Variants in DLG5 observed in about 807,000 individuals in gnomAD.
The protein encoded by DLG5 is discs large MAGUK scaffold protein 5, also known as disks large homolog 5.
Under a neutral mutation model 189.8 loss-of-function variants are expected in DLG5, and 48 were observed. That is an observed-to-expected ratio of 0.25 (90% confidence interval 0.20 to 0.32). The LOEUF (loss-of-function observed/expected upper bound fraction) is 0.32. Ranked by LOEUF, DLG5 falls within the 10% of genes least tolerant of loss-of-function variation. DLG5 has a pLI of 1.00. For synonymous variants in DLG5, 1,016 were observed against 1,054.1 expected (o/e 0.96, Z 0.70); for missense variants, 2,160 against 2,544.7 (o/e 0.85, Z 3.25).
intron 3 of DLG5, among the ~76,000 whole-genome samples, chr10:77,855,062 G>C (rs1461304517): frequency 1.3e-5 from 2 of 152,140 alleles, no homozygotes; most frequent in Non-Finnish European, 2.9e-5. Flanking sequence ...CCTCTCTTTA[G>C]AACAATGACT....
At chr10:77,854,481 A>C in intron 3 of DLG5, 111 bp from the exon 4 acceptor site, 1 of 1,382,498 alleles carries the variant, frequency 7.2e-7, no homozygotes, top group African/African-American at 1.4e-5. Context: ...CTGGTCTTCT[A>C]TGCACCACAC....
intron 24 of DLG5, among the ~76,000 whole-genome samples, chr10:77,808,335 C>T (rs1244186933): frequency 1.3e-5 from 2 of 152,192 alleles, no homozygotes; most frequent in African/African-American, 2.4e-5. Flanking sequence ...GGTGCAATCA[C>T]AGCTCACAGT....
chr10:77,898,359 A>G (rs781368630), intron 1 of DLG5, among the ~76,000 whole-genome samples: 31 of 152,270 alleles, frequency 2.0e-4, no homozygotes, highest in Non-Finnish European at 4.3e-4. Flanking sequence ...TAGGATTTAA[A>G]AACCTCTCCA....
chr10:77,792,464 C>T lies in DLG5; in HGVS notation c.5736G>A (p.Leu1912=). 5 of 1,614,240 alleles carry T rather than the reference C, an allele frequency of 3.1e-6. No homozygotes were observed. Among genetic ancestry groups the T allele is most frequent in the Non-Finnish European group, 4.2e-6 (5 of 1,180,038 alleles). The change falls in exon 32 of 32, where the codon CTG becomes CTA. Residue 1912 remains leucine (L), a synonymous_variant. Transcript: ENST00000372391. ...AMVNQEQNKV[L]WIPACPL ...CCTAGAGCGGGCAGGCTGGAATCCA[C>T]AGGACTTTATTTTGTTCTTGATTGA...
At chr10:77,841,771 A>G (rs2154576297) in intron 7 of DLG5, 110 bp downstream of exon 7, 1 of 1,309,002 alleles carries the variant, frequency 7.6e-7, no homozygotes, top group South Asian at 1.4e-5. Context: ...GTGAGAAGCC[A>G]TTTACTCCAA....
chr10:77,937,383 A>G, the DLG5 span, among the ~76,000 whole-genome samples: 1 of 151,982 alleles, frequency 6.6e-6, no homozygotes, highest in East Asian at 1.9e-4. Flanking sequence ...GCCATTATCT[A>G]TTGCCTTGCA....
At chr10:77,803,342 A>G (rs1841310923) in intron 27 of DLG5, among the ~76,000 whole-genome samples, 2 of 152,214 alleles carry the variant, frequency 1.3e-5, no homozygotes, top group Admixed American at 1.3e-4. Flanking sequence ...TCTGTAAATG[A>G]ATGTGTGCAT....
intron 14 of DLG5, 132 bp downstream of exon 14, chr10:77,824,252 C>A: frequency 4.7e-6 from 3 of 641,142 alleles, no homozygotes; most frequent in Non-Finnish European, 7.9e-6. Context: ...AGGGTTCCTG[C>A]CCCCTCTGCA....
intron 29 of DLG5, among the ~76,000 whole-genome samples, chr10:77,795,385 C>T (rs957032833): frequency 6.6e-6 from 1 of 152,142 alleles, no homozygotes; most frequent in South Asian, 2.1e-4. Flanking sequence ...AGGTGGAGTG[C>T]AGGCCCGTGC....
At position 77,822,132 on chromosome 10, in the gene DLG5, A is replaced by C. The variant is rs757977321; in HGVS notation, c.2383-31T>G. 3 of 1,583,096 alleles carry C rather than the reference A, an allele frequency of 1.9e-6. No individual in the cohort carries two copies. The East Asian group carries it at 6.7e-5, about 36-fold the overall frequency. On this transcript the variant is annotated intron_variant, in intron 14 of 31. Transcript: ENST00000372391. ...CAGGGATTGCAGAGGAGTGAGAGAG[A>C]GAGTGAGATGGCAGGACTTGGAGCT...
intron 20 of DLG5, among the ~76,000 whole-genome samples, chr10:77,813,159 C>T (rs1411592846): frequency 6.6e-6 from 1 of 152,230 alleles, no homozygotes; most frequent in Non-Finnish European, 1.5e-5. Flanking sequence ...TCAAGTGATG[C>T]GGAGCCTCCC....
At chr10:77,853,320 G>A in intron 5 of DLG5, 34 bp downstream of exon 5, 1 of 1,442,556 alleles carries the variant, frequency 6.9e-7, no homozygotes. Context: ...GGACTACTTG[G>A]GAGAAATGGC....
chr10:77,794,673 G>A (rs1262199564), intron 30 of DLG5, among the ~76,000 whole-genome samples, 176 bp downstream of exon 30: 3 of 152,250 alleles, frequency 2.0e-5, no homozygotes, highest in African/African-American at 7.2e-5. Context: ...CCACCTCTGA[G>A]TAGGGGACAG....
chr10:77,898,867 C>T (rs920800609), intron 1 of DLG5, among the ~76,000 whole-genome samples: 1 of 152,214 alleles, frequency 6.6e-6, no homozygotes, highest in African/African-American at 2.4e-5. Flanking sequence ...CCCAAAGTCA[C>T]CCACGCCGGG....
At chr10:77,904,719 T>TC (rs1163367149) in intron 1 of DLG5, among the ~76,000 whole-genome samples, 1 of 150,168 alleles carries the variant, frequency 6.7e-6, no homozygotes, top group African/African-American at 2.5e-5. Context: ...TTATGAGACC[T>TC]CCCAGCCATG....
chr10:77,911,592 G>A (rs1316038415), intron 1 of DLG5, among the ~76,000 whole-genome samples: 1 of 152,142 alleles, frequency 6.6e-6, no homozygotes, highest in Non-Finnish European at 1.5e-5. Flanking sequence ...GGACTCAGGG[G>A]TCATCTTAGA....
intron 1 of DLG5, among the ~76,000 whole-genome samples, chr10:77,891,270 C>T (rs985913784): frequency 3.3e-5 from 5 of 152,162 alleles, no homozygotes; most frequent in Admixed American, 3.3e-4. Context: ...CAATTGGCTT[C>T]GCACTCTGCT....
At chr10:77,809,787 C>A (rs865866765) in intron 23 of DLG5, 57 bp from the exon 24 acceptor site, 1 of 1,564,866 alleles carries the variant, frequency 6.4e-7, no homozygotes, top group Non-Finnish European at 8.7e-7. Context: ...CACAAAAAGA[C>A]AAAGCAGTGG....
chr10:77,845,781 T>C (rs542104298), intron 5 of DLG5, among the ~76,000 whole-genome samples: 1 of 152,074 alleles, frequency 6.6e-6, no homozygotes, highest in South Asian at 2.1e-4. Context: ...ACACCAAAAA[T>C]ACAGAACTTA....
Sources: allele counts gnomAD v4.1 joint callset (sites outside exome capture counted in the v4.1 genomes callset), GRCh38; gene constraint gnomAD v4.1.1; transcripts MANE v1.5; gene names NCBI Gene and HGNC (gene_info 2026-07-23, HGNC 2026-07-21).